DMD: variants seen among roughly 807,000 people sequenced by gnomAD.
DMD encodes the protein dystrophin.
In DMD, 63 loss-of-function variants were observed where a neutral mutation model predicts 330.1. The observed-to-expected ratio is 0.19, with a 90% confidence interval of 0.16 to 0.24. The LOEUF is 0.24. Ranked by LOEUF, DMD falls within the 10% of genes least tolerant of loss-of-function variation. DMD has a pLI of 1.00. For synonymous variants in DMD, 1,223 were observed against 959.8 expected, an observed-to-expected ratio of 1.27 and a Z score of -5.07; for missense variants, 3,344 against 2,684.1, an observed-to-expected ratio of 1.25 and a Z score of -5.43.
At chrX:32,664,651 C>G (rs1473902400) in intron 9 of DMD, among the ~76,000 whole-genome samples, 1 of 111,965 alleles carries the variant, frequency 8.9e-6, no homozygotes, top group Non-Finnish European at 1.9e-5. Flanking sequence ...TGAAACCTTA[C>G]TGACACAGGA....
intron 59 of DMD, among the ~76,000 whole-genome samples, chrX:31,450,259 C>T (rs2065626399): frequency 9.0e-6 from 1 of 111,730 alleles, no homozygotes; most frequent in African/African-American, 3.3e-5. Flanking sequence ...CCTCGTGGTT[C>T]AGGGAAGCCC....
At chrX:32,393,661 C>T (rs958968559) in intron 30 of DMD, among the ~76,000 whole-genome samples, 8 of 110,163 alleles carry the variant, frequency 7.3e-5, no homozygotes, top group African/African-American at 2.3e-4. Context: ...TGTTTTCAAG[C>T]GTTAGAGGAA....
At chrX:31,132,123 A>T (rs774126681) in intron 77 of DMD, among the ~76,000 whole-genome samples, 4 of 112,122 alleles carry the variant, frequency 3.6e-5, no homozygotes, top group Non-Finnish European at 7.5e-5. Flanking sequence ...TGAGAACTTA[A>T]ATCAGCCCTT....
chrX:32,128,805 A>G (rs192312709), intron 44 of DMD, among the ~76,000 whole-genome samples: 51 of 112,254 alleles, frequency 4.5e-4, no homozygotes, highest in African/African-American at 1.6e-3. Context: ...AAACACTTCT[A>G]CTTATAACCT....
At chrX:33,092,745 A>C (rs746155949) in intron 1 of DMD, among the ~76,000 whole-genome samples, 17 of 111,960 alleles carry the variant, frequency 1.5e-4, no homozygotes, top group African/African-American at 4.2e-4. Flanking sequence ...ACAATTCTTC[A>C]ATAGCATACT....
chrX:32,539,152 G>A (rs2048260458), intron 17 of DMD, among the ~76,000 whole-genome samples: 1 of 101,500 alleles, frequency 9.9e-6, no homozygotes, highest in African/African-American at 3.6e-5. Flanking sequence ...ATGTGAAGAT[G>A]GTATGCAAGA....
intron 37 of DMD, among the ~76,000 whole-genome samples, chrX:32,351,438 C>T (rs979707407): frequency 1.7e-4 from 19 of 108,607 alleles, no homozygotes; most frequent in African/African-American, 4.7e-4. Flanking sequence ...AATTTATCTG[C>T]GGCAATATAA....
chrX:31,597,657 T>A (rs2148182997), intron 55 of DMD, among the ~76,000 whole-genome samples: 1 of 112,197 alleles, frequency 8.9e-6, no homozygotes, highest in African/African-American at 3.2e-5. Flanking sequence ...TGGCTGAAAT[T>A]AATGCAGAAT....
At chrX:32,622,795 A>G (rs2058084510) in intron 11 of DMD, among the ~76,000 whole-genome samples, 1 of 111,444 alleles carries the variant, frequency 9.0e-6, no homozygotes, top group Non-Finnish European at 1.9e-5. Flanking sequence ...AGCTTCTCAA[A>G]CTTAAATATG....
At chrX:33,141,348 C>T (rs1482689084) in intron 1 of DMD, among the ~76,000 whole-genome samples, 1 of 111,228 alleles carries the variant, frequency 9.0e-6, no homozygotes, top group African/African-American at 3.3e-5. Flanking sequence ...TTTTAGTAGC[C>T]TAAAACTTGA....
intron 57 of DMD, among the ~76,000 whole-genome samples, chrX:31,479,935 C>G (rs1200628491): frequency 2.7e-5 from 3 of 111,653 alleles, no homozygotes. Context: ...ATACCGTGAG[C>G]CTAGAATAAC....
At chrX:31,160,451 C>T (rs1450564877) in intron 74 of DMD, among the ~76,000 whole-genome samples, 2 of 111,435 alleles carry the variant, frequency 1.8e-5, no homozygotes, top group African/African-American at 3.3e-5. Context: ...AGAGACACAA[C>T]GGATAGGCTT....
chrX:31,565,598 T>C (rs1294122919), intron 55 of DMD, among the ~76,000 whole-genome samples: 1 of 111,963 alleles, frequency 8.9e-6, no homozygotes, highest in African/African-American at 3.2e-5. Flanking sequence ...AATGGTGGTA[T>C]GAATATTTTT....
intron 48 of DMD, among the ~76,000 whole-genome samples, chrX:31,857,380 GAAAAAA>G (rs57685055): frequency 0.022 from 804 of 36,628 alleles, 11 homozygotes; most frequent in Non-Finnish European, 0.03. Context: ...CTCCACCTCG[GAAAAAA>G]AAAAAAAAAA....
chrX:32,102,480 T>C lies in DMD; in HGVS notation c.6438+114436A>G, dbSNP rs774995184. ...TACTTAAATAAGTCATTTACTTATT[T>C]AAAAAGTCACATATTTAAATGAATA... is the stretch of plus-strand genomic sequence containing the variant. On this transcript the variant is annotated intron_variant, in intron 44 of 78. Transcript: ENST00000357033. Among the ~76,000 whole-genome samples the C allele has an allele frequency of 1.3e-4, 15 of 111,473 alleles. 1 individual carries two copies. The highest frequency in any genetic ancestry group is 1.3e-3 in the Admixed American group (14 of 10,444).
chrX:32,303,884 G>A lies in DMD; in HGVS notation c.6117+6198C>T, dbSNP rs1260670548. Among the ~76,000 whole-genome samples, 4 of 110,315 alleles carry A rather than the reference G, an allele frequency of 3.6e-5. No homozygotes were observed. In the South Asian group the frequency reaches 1.5e-3, roughly 43 times the overall value. On this transcript the variant is annotated intron_variant, in intron 42 of 78. Coordinates refer to ENST00000357033, the MANE Select transcript of DMD (RefSeq NM_004006.3). The stretch of plus-strand genomic sequence containing the variant: ...CCAGGCACTACATTAATGACATATC[G>A]AATTGGGAACTGTGTTCAATCAAAA...
intron 20 of DMD, among the ~76,000 whole-genome samples, chrX:32,490,433 C>T (rs180840708): frequency 1.9e-3 from 211 of 111,372 alleles, no homozygotes; most frequent in African/African-American, 6.4e-3. Flanking sequence ...ATCTTGTTTG[C>T]CCCTCCAGAT....
intron 47 of DMD, among the ~76,000 whole-genome samples, chrX:31,886,743 C>T (rs1377252255): frequency 9.0e-6 from 1 of 111,253 alleles, no homozygotes; most frequent in African/African-American, 3.3e-5. Flanking sequence ...GGTTGGGTGT[C>T]GATGAGGTAG....
chrX:32,525,499 T>C (rs1289856001), intron 17 of DMD, among the ~76,000 whole-genome samples: 1 of 111,790 alleles, frequency 8.9e-6, no homozygotes, highest in Non-Finnish European at 1.9e-5. Flanking sequence ...ACATTTTCAA[T>C]GCACAATGAA....
Sources: gnomAD v4.1 joint callset for allele counts (sites outside exome capture counted in the v4.1 genomes callset) on GRCh38, gnomAD v4.1.1 for gene constraint, MANE v1.5 for transcripts, NCBI Gene and HGNC (gene_info 2026-07-23, HGNC 2026-07-21) for gene names.